DNAJA4: variants seen among roughly 807,000 people sequenced by gnomAD.
The protein encoded by DNAJA4 is DnaJ heat shock protein family (Hsp40) member A4.
In DNAJA4, 32 loss-of-function variants were observed where a neutral mutation model predicts 39.7. The ratio of observed to expected loss-of-function variants is 0.81; its 90% CI spans 0.61 to 1.08. The LOEUF is 1.08. Among genes scored for constraint, DNAJA4 ranks in the 50% least tolerant of loss-of-function variants. DNAJA4 has a pLI of 0.00. For synonymous variants in DNAJA4, 184 were observed against 182.4 expected, an observed-to-expected ratio of 1.01 and a Z score of -0.07; for missense variants, 439 against 505.1, an observed-to-expected ratio of 0.87 and a Z score of 1.25.
At chr15:78,265,220 T>C (rs1021137898) in intron 1 of DNAJA4, among the ~76,000 whole-genome samples, 1 of 152,206 alleles carries the variant, frequency 6.6e-6, no homozygotes, top group Non-Finnish European at 1.5e-5. Context: ...TCATAGGGTG[T>C]GTTGGTTCCC....
intron 2 of DNAJA4, 21 bp downstream of exon 2, chr15:78,270,698 A>ATTT (rs1491565783): frequency 6.2e-7 from 1 of 1,607,244 alleles, no homozygotes; most frequent in Non-Finnish European, 8.5e-7. Flanking sequence ...TTAAAGAAAC[A>ATTT]TAAATAAGTT....
chr15:78,265,038 TG>T (rs2141422029), intron 1 of DNAJA4, 143 bp downstream of exon 1: 1 of 1,069,190 alleles, frequency 9.4e-7, no homozygotes, highest in South Asian at 1.7e-5. Context: ...CGGGCAGAGG[TG>T]GCGGGAGACC....
intron 1 of DNAJA4, among the ~76,000 whole-genome samples, chr15:78,267,292 T>C (rs1225809726): frequency 1.3e-5 from 2 of 152,140 alleles, no homozygotes; most frequent in Non-Finnish European, 2.9e-5. Context: ...CACTGTATTA[T>C]TAACGTCTCT....
intron 1 of DNAJA4, 33 bp from the exon 2 acceptor site, chr15:78,270,464 C>A: frequency 6.3e-7 from 1 of 1,590,132 alleles, no homozygotes; most frequent in South Asian, 1.1e-5. Flanking sequence ...ACTGAAACTT[C>A]TCTAAAAATC....
chr15:78,264,822 A>G lies in DNAJA4; in HGVS notation c.59A>G (p.Glu20Gly). The stretch of plus-strand genomic sequence containing the variant: ...GGCGTGAAGCCCAGCGCGTCCCCGG[A>G]GGAGATCAAGAAGGCCTATCGGAAG... ...ILGVKPSASP[E>G]EIKKAYRKLA... is the part of the protein sequence containing the mutation. Residue 20 changes from glutamate (E) to glycine (G), a missense_variant, in exon 1 of 7, where the codon GAG becomes GGG. Glu to Gly is a moderately conservative substitution (Grantham distance 98). Coordinates refer to ENST00000394852, the MANE Select transcript of DNAJA4 (RefSeq NM_001130182.2). The G allele has an allele frequency of 4.3e-6, 7 of 1,610,678 alleles. No homozygotes were observed. Among genetic ancestry groups the G allele is most frequent in the Non-Finnish European group, 5.1e-6 (6 of 1,178,376 alleles).
intron 4 of DNAJA4, chr15:78,275,153 C>T (rs2049414294): frequency 3.6e-6 from 1 of 276,748 alleles, no homozygotes; most frequent in South Asian, 7.1e-5. Flanking sequence ...CTGTCCCTAT[C>T]AGTCCCAAGT....
chr15:78,277,530 A>G (rs1056570051), intron 5 of DNAJA4, among the ~76,000 whole-genome samples: 4 of 152,224 alleles, frequency 2.6e-5, no homozygotes, highest in Admixed American at 2.0e-4. Context: ...TGAGGATCAC[A>G]GTTTACACGA....
In DNAJA4 at chr15:78,280,425, G is replaced by C. The variant is rs757860929; in HGVS notation, c.1159G>C (p.Gly387Arg). 1.9e-6 allele frequency: 3 copies of C among 1,613,132 alleles called. No individual in the cohort carries two copies. In the African/African-American group the frequency reaches 4.0e-5, roughly 22 times the overall value. The change falls in exon 7 of 7, where the codon GGG (glycine) becomes CGG (arginine). Residue 387 changes from glycine to arginine, a missense_variant. Physicochemically the swap from Gly to Arg is moderately radical, Grantham distance 125. Coordinates refer to ENST00000394852, the MANE Select transcript of DNAJA4 (RefSeq NM_001130182.2). ...GGAGGCCTACGAGGAGGACGAAGAC[G>C]GGCCCCAGGCTGGAGTGCAGTGCCA... ...HREAYEEDED[G>R]PQAGVQCQTA
At position 78,270,516 on chromosome 15, in the gene DNAJA4, C is replaced by T. The variant is rs1367262304; in HGVS notation, c.152C>T (p.Ala51Val). Residue 51 changes from alanine (A) to valine (V), a missense_variant, in exon 2 of 7, where the codon GCA becomes GTA. Ala to Val is a moderately conservative substitution (Grantham distance 64, BLOSUM62 0). Transcript: ENST00000394852. The part of the protein sequence containing the change: ...EGEKFKLISQ[A>V]YEVLSDPKKR... Reference sequence around the variant, plus strand: ...TTAAAGTTTAAACTCATATCCCAGGCATATGAAGTGCTTTCAGATCCAAAG... The same window carrying T: ...TTAAAGTTTAAACTCATATCCCAGGTATATGAAGTGCTTTCAGATCCAAAG... 6 of 1,613,888 alleles carry T rather than the reference C, an allele frequency of 3.7e-6. No homozygotes were observed. Among genetic ancestry groups the T allele is most frequent in the Non-Finnish European group, 5.1e-6 (6 of 1,179,914 alleles).
rs374360974 is a variant in DNAJA4, at chr15:78,275,531, G to A, written c.680G>A (p.Gly227Glu). The A allele has an allele frequency of 7.8e-5, 126 of 1,614,078 alleles. No homozygotes were observed. The highest frequency in any genetic ancestry group is 8.8e-5 in the Non-Finnish European group (104 of 1,180,012). ...MKDGQKILFH[G>E]EGDQEPELEP... ...GATGGGCAAAAGATACTATTTCATG[G>A]AGAAGGAGATCAGGAGCCTGAGCTG... The change falls in exon 5 of 7, where the codon GGA becomes GAA. Residue 227 changes from glycine to glutamate, a missense_variant. Physicochemically the swap from Gly to Glu is moderately conservative, Grantham distance 98 (BLOSUM62 -2). Transcript: ENST00000394852.
At chr15:78,273,448 CTA>C (rs1567117361) in intron 3 of DNAJA4, among the ~76,000 whole-genome samples, 1 of 152,154 alleles carries the variant, frequency 6.6e-6, no homozygotes, top group East Asian at 1.9e-4. Context: ...TTATTATACT[CTA>C]AGTTTTAGGG....
At position 78,280,322 on chromosome 15, in the gene DNAJA4, A is replaced by G. The variant is rs781634952; in HGVS notation, c.1056A>G (p.Lys352=). The change falls in exon 7 of 7, where the codon AAA becomes AAG. Residue 352 remains lysine, a synonymous_variant. Coordinates refer to ENST00000394852, the MANE Select transcript of DNAJA4 (RefSeq NM_001130182.2). ...AAGCTTTACTCCCTCCTCGACAGAA[A>G]GTGAGGATTACAGATGACATGGATC... ...QLEALLPPRQ[K]VRITDDMDQV... The G allele has an allele frequency of 3.1e-6, 5 of 1,614,092 alleles. No homozygotes were observed. Among genetic ancestry groups the G allele is most frequent in the Non-Finnish European group, 2.5e-6 (3 of 1,180,038 alleles).
intron 1 of DNAJA4, among the ~76,000 whole-genome samples, chr15:78,267,141 A>T (rs200824972): frequency 2.6e-4 from 11 of 41,908 alleles, no homozygotes; most frequent in Admixed American, 6.6e-4. Flanking sequence ...TGTGTATGTG[A>T]GTGTGTGTGT....
chr15:78,279,738 A>G lies in DNAJA4; in HGVS notation c.878-307A>G. ...GACAGGTGTTGGCCCCATTTTAGGCAGACTTGGGTGTCATGACTTCTAGTT... is the reference window on the plus strand; with the variant it reads ...GACAGGTGTTGGCCCCATTTTAGGCGGACTTGGGTGTCATGACTTCTAGTT... On this transcript the variant is annotated intron_variant, in intron 5 of 6. Transcript: ENST00000394852. The surrounding 1 kb of genome is among the most constrained non-coding windows in gnomAD (Gnocchi z 4.5). 1 of 404,712 alleles carries G rather than the reference A, an allele frequency of 2.5e-6. No homozygotes were observed. Among genetic ancestry groups the G allele is most frequent in the Non-Finnish European group, 4.5e-6 (1 of 224,070 alleles). 25.1% of individuals were successfully genotyped at this position (404,712 alleles called of 1,614,324 possible).
At chr15:78,267,076 C>T (rs1319913954) in intron 1 of DNAJA4, among the ~76,000 whole-genome samples, 1 of 151,964 alleles carries the variant, frequency 6.6e-6, no homozygotes, top group Admixed American at 6.6e-5. Context: ...TCAACAAATA[C>T]CTCCTCTTCT....
chr15:78,266,123 A>T, intron 1 of DNAJA4: 1 of 1,035,632 alleles, frequency 9.7e-7, no homozygotes, highest in Non-Finnish European at 1.4e-6. Flanking sequence ...CTGGCGTTTT[A>T]CATGGTGCTG....
At chr15:78,278,390 TTGTGGTG>T (rs1478816034) in intron 5 of DNAJA4, 2 of 431,686 alleles carry the variant, frequency 4.6e-6, no homozygotes, top group African/African-American at 4.0e-5. Context: ...GGCGATGTCG[TTGTGGTG>T]TGAACACCAT....
chr15:78,272,376 G>T (rs1037573467), intron 2 of DNAJA4, among the ~76,000 whole-genome samples: 1 of 152,118 alleles, frequency 6.6e-6, no homozygotes, highest in African/African-American at 2.4e-5. Flanking sequence ...GTATTCTCTT[G>T]TCCAGCTCCC....
rs199879308 is a variant in DNAJA4 at position 78,280,453 on chromosome 15, C to T, written c.1187C>T (p.Thr396Met). The change falls in exon 7 of 7, where the codon ACG becomes ATG. Residue 396 changes from threonine (T) to methionine (M), a missense_variant. Thr to Met is a moderately conservative substitution (Grantham distance 81). Transcript: ENST00000394852. Reference protein sequence around the residue: ...DGPQAGVQCQTA With the variant: ...DGPQAGVQCQMA ...CCCCAGGCTGGAGTGCAGTGCCAGACGGCATGACGTGGTGCGGGGCAGCGT... is the reference window on the plus strand; with the variant it reads ...CCCCAGGCTGGAGTGCAGTGCCAGATGGCATGACGTGGTGCGGGGCAGCGT... 2.2e-5 allele frequency: 35 copies of T among 1,609,262 alleles called. No homozygotes were observed. The highest frequency in any genetic ancestry group is 3.5e-4 in the Middle Eastern group (2 of 5,696).
Sources: gnomAD v4.1 joint callset for allele counts (sites outside exome capture counted in the v4.1 genomes callset) on GRCh38, gnomAD v4.1.1 for gene constraint, Gnocchi (gnomAD v3.1) non-coding constraint, MANE v1.5 for transcripts, NCBI Gene and HGNC (gene_info 2026-07-23, HGNC 2026-07-21) for gene names.